RCN2: variants seen among roughly 807,000 people sequenced by gnomAD.
RCN2 encodes reticulocalbin 2.
Under a neutral mutation model 37.5 loss-of-function variants are expected in RCN2, and 23 were observed. The observed-to-expected ratio is 0.61, with a 90% CI of 0.44 to 0.87. The LOEUF is 0.87. Among genes scored for constraint, RCN2 ranks in the 40% least tolerant of loss-of-function variants. The pLI, the probability that RCN2 is intolerant of heterozygous loss-of-function variation, is 0.00. For missense variants in RCN2, 381 were observed against 390.4 expected (o/e 0.98, Z 0.20); for synonymous variants, 140 against 144.6 (o/e 0.97, Z 0.23).
At chr15:76,943,337 T>A (rs1362325350) in intron 3 of RCN2, 1 of 153,162 alleles carries the variant, frequency 6.5e-6, no homozygotes, top group Admixed American at 6.5e-5. Context: ...ATGCTCAGTA[T>A]TTTTTAGCTG....
chr15:76,949,830 A>G lies in RCN2; in HGVS notation c.*608A>G, dbSNP rs1473788831. 1 of 152,630 alleles carries G rather than the reference A, an allele frequency of 6.6e-6. No individual in the cohort carries two copies. The highest frequency in any genetic ancestry group is 1.5e-5 in the Non-Finnish European group (1 of 68,032). The allele number at this position is 152,630 out of a possible 1,614,324, so 9.5% of individuals were successfully genotyped here. A position where few individuals can be genotyped will look rare whatever the true frequency, so the allele number is the denominator to read the frequency against. Reference sequence around the variant, plus strand: ...ATTATATTTAATGTATAACTATAGCATTATGGTGAGTGGAATTTGACATTG... The same window carrying G: ...ATTATATTTAATGTATAACTATAGCGTTATGGTGAGTGGAATTTGACATTG... On this transcript the variant is annotated 3_prime_UTR_variant, in exon 7 of 7. Coordinates refer to ENST00000394885, the MANE Select transcript of RCN2 (RefSeq NM_002902.3).
intron 4 of RCN2, among the ~76,000 whole-genome samples, chr15:76,946,752 A>G (rs1442528098): frequency 2.7e-5 from 4 of 149,766 alleles, no homozygotes; most frequent in Non-Finnish European, 6.0e-5. Flanking sequence ...ACCCCATCTG[A>G]AAAAAAAAAG....
intron 3 of RCN2, among the ~76,000 whole-genome samples, chr15:76,937,421 T>C (rs868428030): frequency 2.0e-5 from 3 of 151,254 alleles, no homozygotes; most frequent in Non-Finnish European, 4.4e-5. Flanking sequence ...TTTTTTTTTT[T>C]ATTTTTATTT....
intron 2 of RCN2, among the ~76,000 whole-genome samples, chr15:76,934,930 T>C (rs1322072620): frequency 6.6e-6 from 1 of 152,190 alleles, no homozygotes; most frequent in Non-Finnish European, 1.5e-5. Flanking sequence ...CAACAAATAC[T>C]TACAGAGCCA....
At chr15:76,933,061 T>C (rs1465042406) in intron 2 of RCN2, among the ~76,000 whole-genome samples, 1 of 152,116 alleles carries the variant, frequency 6.6e-6, no homozygotes, top group Non-Finnish European at 1.5e-5. Context: ...TAATTCAGGT[T>C]TTAATATCCT....
chr15:76,950,179 G>A lies in RCN2; in HGVS notation c.*957G>A, dbSNP rs2075313814. 6.6e-6 allele frequency: 1 copy of A among 151,896 alleles called. No individual in the cohort carries two copies. Among genetic ancestry groups the A allele is most frequent in the Admixed American group, 6.6e-5 (1 of 15,232 alleles). The allele number at this position is 151,896 out of a possible 1,614,324, so 9.4% of individuals were successfully genotyped here. On this transcript the variant is annotated 3_prime_UTR_variant, in exon 7 of 7. Coordinates refer to ENST00000394885, the MANE Select transcript of RCN2 (RefSeq NM_002902.3). ...AAATAATCTTGAGTAACGCAGGTTG[G>A]AATTACCAATAGAGCTGGTCAGTTA...
At chr15:76,939,930 A>G (rs1435009134) in intron 3 of RCN2, among the ~76,000 whole-genome samples, 1 of 152,194 alleles carries the variant, frequency 6.6e-6, no homozygotes, top group Non-Finnish European at 1.5e-5. Flanking sequence ...TGACTCATAA[A>G]TTGTTTATGA....
At position 76,936,653 on chromosome 15, in the gene RCN2, G is replaced by A. The variant is rs11855827; in HGVS notation, c.447+931G>A. Among the ~76,000 whole-genome samples the A allele has an allele frequency of 7.8e-3, 1,188 of 152,266 alleles. 12 individuals are homozygous for A. The highest frequency in any genetic ancestry group is 0.027 in the African/African-American group (1,123 of 41,540). ...TACCCGTCCGCGACCTAGGGATTGAGGGTCCGTGATTTAAAGTATTCAGGA... is the reference window on the plus strand; with the variant it reads ...TACCCGTCCGCGACCTAGGGATTGAAGGTCCGTGATTTAAAGTATTCAGGA... On this transcript the variant is annotated intron_variant, in intron 3 of 6. Coordinates refer to ENST00000394885, the MANE Select transcript of RCN2 (RefSeq NM_002902.3).
At chr15:76,944,863 T>C (rs562449007) in intron 4 of RCN2, among the ~76,000 whole-genome samples, 60 of 152,362 alleles carry the variant, frequency 3.9e-4, no homozygotes, top group Non-Finnish European at 7.6e-4. Flanking sequence ...TTCTTTGACA[T>C]AGTGGTTTCC....
Position 76,953,553 on chromosome 15 carries a change from TTCTATATATATATATATATA to T in RCN2, c.*4333_*4352del, listed in dbSNP as rs1181268237. On this transcript the variant is annotated 3_prime_UTR_variant, in exon 7 of 7. Coordinates refer to ENST00000394885, the MANE Select transcript of RCN2 (RefSeq NM_002902.3). ...GTGGGATTGCTGGATCATATAGTAATTCTATATATATATATATATATATATATATATATATATATATTTTT... is the reference window on the plus strand; with the variant it reads ...GTGGGATTGCTGGATCATATAGTAATTATATATATATATATATATATTTTT... 7.7e-5 allele frequency: 6 copies of T among 77,530 alleles called. No individual in the cohort carries two copies. The highest frequency in any genetic ancestry group is 2.8e-4 in the African/African-American group (5 of 17,880). The allele number at this position is 77,530 out of a possible 1,614,324, so 4.8% of individuals were successfully genotyped here.
intron 3 of RCN2, among the ~76,000 whole-genome samples, chr15:76,938,308 T>G (rs2075261664): frequency 6.6e-6 from 1 of 152,242 alleles, no homozygotes; most frequent in African/African-American, 2.4e-5. Context: ...TTGTAATTTG[T>G]CTTATAAGTA....
Position 76,948,489 on chromosome 15 carries a change from G to C in RCN2, c.738G>C (p.Arg246Ser). The part of the protein sequence containing the change: ...VNDYDKDNDG[R>S]LDPQELLPWV... The stretch of plus-strand genomic sequence containing the variant: ...ATTATGACAAAGATAACGATGGCAG[G>C]CTTGATCCCCAAGAGCTGTTACCTT... The change falls in exon 6 of 7, where the codon AGG (arginine) becomes AGC (serine). Residue 246 changes from arginine (R) to serine (S), a missense_variant. Coordinates refer to ENST00000394885, the MANE Select transcript of RCN2 (RefSeq NM_002902.3). The C allele has an allele frequency of 1.2e-6, 2 of 1,609,504 alleles. No individual in the cohort carries two copies. The highest frequency in any genetic ancestry group is 1.7e-6 in the Non-Finnish European group (2 of 1,177,274).
rs1365749861 is a variant in RCN2 at position 76,949,348 on chromosome 15, ATG to A, written c.*128_*129del. 1 of 666,510 alleles carries A rather than the reference ATG, an allele frequency of 1.5e-6. No individual in the cohort carries two copies. Among genetic ancestry groups the A allele is most frequent in the Non-Finnish European group, 2.2e-6 (1 of 448,406 alleles). The allele number at this position is 666,510 out of a possible 1,614,324, so 41.3% of individuals were successfully genotyped here. A position where few individuals can be genotyped will look rare whatever the true frequency, so the allele number is the denominator to read the frequency against. ...CTTAACCACAGTCAGAATTATCTTA[ATG>A]TAGATTATAATTTTGGTCTTTTAGG... On this transcript the variant is annotated 3_prime_UTR_variant, in exon 7 of 7. Transcript: ENST00000394885.
Position 76,949,825 on chromosome 15 carries a change from A to G in RCN2, c.*603A>G, listed in dbSNP as rs1417688098. The stretch of plus-strand genomic sequence containing the variant: ...TAGTAATTATATTTAATGTATAACT[A>G]TAGCATTATGGTGAGTGGAATTTGA... On this transcript the variant is annotated 3_prime_UTR_variant, in exon 7 of 7. Coordinates refer to ENST00000394885, the MANE Select transcript of RCN2 (RefSeq NM_002902.3). 3 of 152,658 alleles carry G rather than the reference A, an allele frequency of 2.0e-5. No homozygotes were observed. The highest frequency in any genetic ancestry group is 6.5e-5 in the Admixed American group (1 of 15,284). The allele number at this position is 152,658 out of a possible 1,614,324, so 9.5% of individuals were successfully genotyped here. A position where few individuals can be genotyped will look rare whatever the true frequency, so the allele number is the denominator to read the frequency against.
chr15:76,954,038 T>TG lies in RCN2; in HGVS notation c.*4817dup, dbSNP rs2075338025. 1 of 95,256 alleles carries TG rather than the reference T, an allele frequency of 1.0e-5. No homozygotes were observed. Among genetic ancestry groups the TG allele is most frequent in the South Asian group, 5.1e-4 (1 of 1,952 alleles). The allele number at this position is 95,256 out of a possible 1,614,324, so 5.9% of individuals were successfully genotyped here. A position where few individuals can be genotyped will look rare whatever the true frequency, so the allele number is the denominator to read the frequency against. ...ATCCTTACCAACACTTGCTATTTTC[T>TG]GTTTTTTTTTTTTTCTTTTTTTTTT... On this transcript the variant is annotated 3_prime_UTR_variant, in exon 7 of 7. Coordinates refer to ENST00000394885, the MANE Select transcript of RCN2 (RefSeq NM_002902.3).
chr15:76,937,381 A>G (rs150650486), intron 3 of RCN2, among the ~76,000 whole-genome samples: 1 of 151,528 alleles, frequency 6.6e-6, no homozygotes, highest in African/African-American at 2.4e-5. Context: ...ACCATTTTTC[A>G]TAGTGAGTAC....
chr15:76,932,788 AAGGC>A (rs1386351808), intron 2 of RCN2, among the ~76,000 whole-genome samples: 2 of 152,214 alleles, frequency 1.3e-5, no homozygotes, highest in East Asian at 3.8e-4. Flanking sequence ...CCAAAACTTT[AAGGC>A]AGTAAATGAT....
rs1473126940 is a variant in RCN2 at position 76,932,357 on chromosome 15, A to G, written c.145-4A>G. Reference sequence around the variant, plus strand: ...GCCCTCCTGTGTGTCGCTTCCCCCTAAAGGAAGATGTGGATGAATATGTTA... The same window carrying G: ...GCCCTCCTGTGTGTCGCTTCCCCCTGAAGGAAGATGTGGATGAATATGTTA... On this transcript the variant is annotated splice_region_variant and splice_polypyrimidine_tract_variant and intron_variant, in intron 1 of 6. Transcript: ENST00000394885. 6.2e-7 allele frequency: 1 copy of G among 1,608,166 alleles called. No individual in the cohort carries two copies. The highest frequency in any genetic ancestry group is 8.5e-7 in the Non-Finnish European group (1 of 1,175,220).
intron 2 of RCN2, among the ~76,000 whole-genome samples, chr15:76,933,749 C>A (rs2075235011): frequency 6.6e-6 from 1 of 152,200 alleles, no homozygotes; most frequent in African/African-American, 2.4e-5. Flanking sequence ...ATGGTGATCT[C>A]TTTAAATAAA....
Sources: allele counts gnomAD v4.1 joint callset (sites outside exome capture counted in the v4.1 genomes callset), GRCh38; gene constraint gnomAD v4.1.1; transcripts MANE v1.5; gene names NCBI Gene and HGNC (gene_info 2026-07-23, HGNC 2026-07-21).